Variants in ATP10B observed in about 807,000 individuals in gnomAD.
The protein encoded by ATP10B is phospholipid-transporting ATPase VB.
In ATP10B, 122 loss-of-function variants were observed where a neutral mutation model predicts 141.2. That is an observed-to-expected ratio of 0.86 (90% confidence interval 0.75 to 1.00). The LOEUF is 1.00. Ranked by LOEUF, ATP10B falls within the 50% of genes least tolerant of loss-of-function variation. The probability of loss-of-function intolerance (pLI) is 0.00; values close to 1 mark genes in which losing one functional copy is unlikely to be tolerated. For synonymous variants in ATP10B, 685 were observed against 692.0 expected (o/e 0.99, Z 0.16); for missense variants, 1,876 against 1,825.3 (o/e 1.03, Z -0.51).
chr5:160,879,275 C>A, the ATP10B span, among the ~76,000 whole-genome samples: 1 of 62,362 alleles, frequency 1.6e-5, no homozygotes, highest in Non-Finnish European at 3.2e-5. Context: ...TCTCAGTAAA[C>A]TATCGCAAGA....
At chr5:160,826,282 CA>C (rs1195096286) in intron 1 of ATP10B, among the ~76,000 whole-genome samples, 1 of 152,134 alleles carries the variant, frequency 6.6e-6, no homozygotes, top group Non-Finnish European at 1.5e-5. Flanking sequence ...CAGCAGTGTA[CA>C]AGCATTCCCT....
At chr5:160,818,987 C>G (rs912674289) in intron 1 of ATP10B, among the ~76,000 whole-genome samples, 1 of 151,962 alleles carries the variant, frequency 6.6e-6, no homozygotes, top group East Asian at 1.9e-4. Context: ...CATCACACAC[C>G]AGGGCCTGTT....
chr5:160,786,516 G>A (rs1436271019), intron 1 of ATP10B, among the ~76,000 whole-genome samples: 1 of 152,154 alleles, frequency 6.6e-6, no homozygotes, highest in Non-Finnish European at 1.5e-5. Flanking sequence ...GCTCAAGAGA[G>A]AGGGCAGGGT....
the ATP10B span, among the ~76,000 whole-genome samples, chr5:160,886,764 AATGGTCCATGCC>A: frequency 1.3e-5 from 2 of 152,212 alleles, no homozygotes; most frequent in Admixed American, 1.3e-4. Flanking sequence ...AACTCAGGGC[AATGGTCCATGCC>A]ATAATTTCAT....
intron 2 of ATP10B, among the ~76,000 whole-genome samples, chr5:160,778,935 T>C (rs1002885323): frequency 3.4e-4 from 52 of 152,130 alleles, no homozygotes; most frequent in Non-Finnish European, 4.1e-4. Flanking sequence ...AGTTCATCAC[T>C]TGCAAAAATG....
intron 1 of ATP10B, among the ~76,000 whole-genome samples, chr5:160,811,711 G>C (rs1031212791): frequency 2.6e-5 from 4 of 152,128 alleles, no homozygotes; most frequent in Non-Finnish European, 5.9e-5. Flanking sequence ...TAAGGTTTTT[G>C]ACTCCAGTCC....
intron 2 of ATP10B, among the ~76,000 whole-genome samples, chr5:160,727,220 C>T (rs1366902855): frequency 6.6e-6 from 1 of 152,164 alleles, no homozygotes; most frequent in East Asian, 1.9e-4. Context: ...GGACATTATA[C>T]ACTGAAAGCA....
chr5:160,922,121 G>T, the ATP10B span, among the ~76,000 whole-genome samples: 1 of 152,208 alleles, frequency 6.6e-6, no homozygotes, highest in Non-Finnish European at 1.5e-5. Flanking sequence ...AGAAGGATCA[G>T]CATCTGACTC....
intron 22 of ATP10B, among the ~76,000 whole-genome samples, chr5:160,598,020 T>C (rs1290089626): frequency 2.2e-4 from 16 of 72,212 alleles, no homozygotes; most frequent in Admixed American, 2.0e-3. Context: ...GAAATACCAT[T>C]TGACCCAGCC....
intron 1 of ATP10B, among the ~76,000 whole-genome samples, chr5:160,789,331 C>T (rs558267439): frequency 6.6e-6 from 1 of 152,216 alleles, no homozygotes; most frequent in Admixed American, 6.5e-5. Flanking sequence ...TGTGTAAACA[C>T]CATAGAGTGA....
At chr5:160,681,503 G>A (rs1173548297) in intron 6 of ATP10B, among the ~76,000 whole-genome samples, 1 of 152,096 alleles carries the variant, frequency 6.6e-6, no homozygotes. Context: ...AAGAACCTAG[G>A]GCCAGAAGTG....
chr5:160,921,071 T>C, the ATP10B span, among the ~76,000 whole-genome samples: 1 of 152,186 alleles, frequency 6.6e-6, no homozygotes, highest in South Asian at 2.1e-4. Context: ...TTCCCCGCTA[T>C]GGTCCCAGAC....
At chr5:160,630,416 G>A (rs1323049879) in intron 13 of ATP10B, among the ~76,000 whole-genome samples, 1 of 152,134 alleles carries the variant, frequency 6.6e-6, no homozygotes, top group Non-Finnish European at 1.5e-5. Flanking sequence ...ACTGAACAAG[G>A]GGCAGTGAAT....
At chr5:160,645,533 C>A (rs745562181) in intron 8 of ATP10B, among the ~76,000 whole-genome samples, 4 of 152,208 alleles carry the variant, frequency 2.6e-5, no homozygotes, top group Non-Finnish European at 4.4e-5. Context: ...TATTGGGAGG[C>A]AGATCCTAAA....
the ATP10B span, among the ~76,000 whole-genome samples, chr5:160,874,246 A>C: frequency 1.9e-5 from 2 of 107,836 alleles, no homozygotes; most frequent in African/African-American, 6.0e-5. Flanking sequence ...TGAGCAGGCT[A>C]ACTGGGAGGC....
the ATP10B span, among the ~76,000 whole-genome samples, chr5:160,906,743 C>T: frequency 3.9e-5 from 6 of 152,104 alleles, no homozygotes; most frequent in Non-Finnish European, 5.9e-5. Context: ...TACCCAGTAC[C>T]GCCTCTCCTT....
chr5:160,709,743 A>G (rs1217411114), intron 3 of ATP10B, among the ~76,000 whole-genome samples: 1 of 41,458 alleles, frequency 2.4e-5, no homozygotes, highest in Non-Finnish European at 5.0e-5. Context: ...ATATCTCCCA[A>G]TGCTATCCCT....
At chr5:160,714,864 A>T (rs949809737) in intron 3 of ATP10B, among the ~76,000 whole-genome samples, 1 of 147,156 alleles carries the variant, frequency 6.8e-6, no homozygotes, top group Admixed American at 6.7e-5. Context: ...GTCTGTTGGA[A>T]TACCCTGCCG....
chr5:160,791,067 C>G (rs1014628829), intron 1 of ATP10B, among the ~76,000 whole-genome samples: 4 of 151,914 alleles, frequency 2.6e-5, no homozygotes, highest in African/African-American at 9.7e-5. Flanking sequence ...CAGGTGAAAG[C>G]AAGAAAGGAA....
Sources: gnomAD v4.1 joint callset for allele counts (sites outside exome capture counted in the v4.1 genomes callset) on GRCh38, gnomAD v4.1.1 for gene constraint, MANE v1.5 for transcripts, NCBI Gene and HGNC (gene_info 2026-07-23, HGNC 2026-07-21) for gene names.